The following LPCAT1 variants were observed in gnomAD, a reference collection of about 807,000 sequenced individuals.
The protein encoded by LPCAT1 is 1-acylglycerol-3-phosphate O-acyltransferase.
In LPCAT1, 23 loss-of-function variants were observed where a neutral mutation model predicts 60.9. That is an observed-to-expected ratio of 0.38 (90% CI 0.27 to 0.53). The LOEUF (loss-of-function observed/expected upper bound fraction) is 0.53. LPCAT1 is among the 20% of genes least tolerant of loss of function. LPCAT1 has a pLI of 0.82. For missense variants in LPCAT1, 622 were observed against 723.6 expected (o/e 0.86, Z 1.61); for synonymous variants, 340 against 301.1 (o/e 1.13, Z -1.34).
intron 3 of LPCAT1, among the ~76,000 whole-genome samples, chr5:1,493,073 C>A (rs1055526690): frequency 6.6e-6 from 1 of 152,352 alleles, no homozygotes; most frequent in East Asian, 1.9e-4. Flanking sequence ...GGGAAACCTG[C>A]GTGTGAGAGC....
intron 1 of LPCAT1, among the ~76,000 whole-genome samples, chr5:1,514,857 C>A (rs1189465021): frequency 6.6e-6 from 1 of 152,236 alleles, no homozygotes; most frequent in Non-Finnish European, 1.5e-5. Context: ...GCTTCCCATT[C>A]AGCCCAGGCC....
intron 1 of LPCAT1, among the ~76,000 whole-genome samples, chr5:1,515,501 C>A (rs1736481676): frequency 6.8e-6 from 1 of 147,764 alleles, no homozygotes; most frequent in African/African-American, 2.5e-5. Context: ...CCCCAGCCTG[C>A]CCTGTACACC....
chr5:1,484,720 G>A (rs2927674), intron 5 of LPCAT1, among the ~76,000 whole-genome samples: 8,317 of 152,316 alleles, frequency 0.055, 254 homozygotes, highest in Non-Finnish European at 0.073. Flanking sequence ...CGAGCTGACC[G>A]CCCAACCCAC....
At chr5:1,471,239 A>C (rs923523520) in intron 11 of LPCAT1, among the ~76,000 whole-genome samples, 5 of 152,148 alleles carry the variant, frequency 3.3e-5, no homozygotes, top group African/African-American at 1.2e-4. Context: ...AATACCCCCT[A>C]AGCACCAAGG....
In LPCAT1 at chr5:1,465,159, C is replaced by T. The variant is rs111066563; in HGVS notation, c.1421-1324G>A. On this transcript the variant is annotated intron_variant, in intron 13 of 13. Coordinates refer to ENST00000283415, the MANE Select transcript of LPCAT1 (RefSeq NM_024830.5). The stretch of plus-strand genomic sequence containing the variant: ...AGCGCAGGCACACGCGGTAACTAAA[C>T]ATGCATGCACACACACAAAACAAGC... Among the ~76,000 whole-genome samples, 172 of 148,642 alleles carry T rather than the reference C, an allele frequency of 1.2e-3. 1 individual carries two copies. Among genetic ancestry groups the T allele is most frequent in the African/African-American group, 3.6e-3 (145 of 40,238 alleles).
intron 1 of LPCAT1, among the ~76,000 whole-genome samples, chr5:1,503,282 C>T (rs557166140): frequency 6.6e-4 from 100 of 152,366 alleles, no homozygotes; most frequent in Admixed American, 3.9e-3. Context: ...TGGTGACGAT[C>T]GTCACTGTTC....
rs1267336203 is a variant in LPCAT1 at position 1,462,464 on chromosome 5, G to A, written c.*1187C>T. The A allele has an allele frequency of 6.6e-6, 1 of 152,326 alleles. No homozygotes were observed. The highest frequency in any genetic ancestry group is 1.5e-5 in the Non-Finnish European group (1 of 68,070). 9.4% of individuals were successfully genotyped at this position (152,326 alleles called of 1,614,324 possible). Reference sequence around the variant, plus strand: ...GATGTGCCCGCGACCCTGGCGCTGGGAGGCAGTGCTGCAGAGAGGAGTGGT... The same window carrying A: ...GATGTGCCCGCGACCCTGGCGCTGGAAGGCAGTGCTGCAGAGAGGAGTGGT... On this transcript the variant is annotated 3_prime_UTR_variant, in exon 14 of 14. Transcript: ENST00000283415.
chr5:1,505,364 T>G (rs1736150141), intron 1 of LPCAT1, among the ~76,000 whole-genome samples: 1 of 152,118 alleles, frequency 6.6e-6, no homozygotes, highest in Non-Finnish European at 1.5e-5. Context: ...CAGCACCGAC[T>G]GCAACACTGC....
rs1735221520 is a variant in LPCAT1, at chr5:1,483,043, A to T, written c.726+385T>A. Among the ~76,000 whole-genome samples the T allele has an allele frequency of 1.3e-5, 2 of 152,234 alleles. No homozygotes were observed. Among genetic ancestry groups the T allele is most frequent in the Non-Finnish European group, 2.9e-5 (2 of 68,008 alleles). Reference sequence around the variant, plus strand: ...TTCCTGGAGCATGAACTGGGTACTGAAAGCTGCTGGGGGCCCTGGCCGGTG... The same window carrying T: ...TTCCTGGAGCATGAACTGGGTACTGTAAGCTGCTGGGGGCCCTGGCCGGTG... On this transcript the variant is annotated intron_variant, in intron 6 of 13. Coordinates refer to ENST00000283415, the MANE Select transcript of LPCAT1 (RefSeq NM_024830.5). The surrounding 1 kb of genome is among the most constrained non-coding windows in gnomAD (Gnocchi z 9.2).
At chr5:1,512,407 T>A (rs1736384134) in intron 1 of LPCAT1, among the ~76,000 whole-genome samples, 1 of 152,180 alleles carries the variant, frequency 6.6e-6, no homozygotes, top group Non-Finnish European at 1.5e-5. Context: ...TCCCTCTCAC[T>A]ATCCCTGAAG....
chr5:1,465,048 C>CGCACGCACAAGT (rs1027659442), intron 13 of LPCAT1, among the ~76,000 whole-genome samples: 1 of 141,462 alleles, frequency 7.1e-6, no homozygotes, highest in Non-Finnish European at 1.5e-5. Context: ...AACACACATG[C>CGCACGCACAAGT]GCACGCACAA....
chr5:1,493,368 C>A (rs972575615), intron 3 of LPCAT1, among the ~76,000 whole-genome samples: 3 of 152,278 alleles, frequency 2.0e-5, no homozygotes, highest in African/African-American at 7.2e-5. Flanking sequence ...CTGTGGCCAC[C>A]ACCCTCAGTG....
chr5:1,498,429 G>T (rs1735870835), intron 2 of LPCAT1, among the ~76,000 whole-genome samples: 1 of 152,176 alleles, frequency 6.6e-6, no homozygotes, highest in East Asian at 1.9e-4. Context: ...TTCAATGCCA[G>T]GCAGCACGGG....
intron 9 of LPCAT1, among the ~76,000 whole-genome samples, chr5:1,475,268 T>C (rs1000298881): frequency 6.6e-6 from 1 of 152,144 alleles, no homozygotes; most frequent in African/African-American, 2.4e-5. Context: ...GCATCATCAT[T>C]TGGAACAGGA....
intron 1 of LPCAT1, among the ~76,000 whole-genome samples, chr5:1,511,601 A>G (rs1736359627): frequency 6.6e-6 from 1 of 151,836 alleles, no homozygotes; most frequent in Admixed American, 6.6e-5. Context: ...TCATCTGCTC[A>G]CCTTGCTCAC....
At position 1,502,348 on chromosome 5, in the gene LPCAT1, A is replaced by G. The variant is rs1736048676; in HGVS notation, c.136-745T>C. Among the ~76,000 whole-genome samples, 1 of 152,060 alleles carries G rather than the reference A, an allele frequency of 6.6e-6. No individual in the cohort carries two copies. Among genetic ancestry groups the G allele is most frequent in the Non-Finnish European group, 1.5e-5 (1 of 68,000 alleles). On this transcript the variant is annotated intron_variant, in intron 1 of 13. Transcript: ENST00000283415. This position sits in a 1 kb window ranked among gnomAD's most constrained non-coding sequence, Gnocchi z 5.5. ...ATGTGGACATGAGAAAGCATACGCC[A>G]CCCTAGGCAGTGTTGGTGACAGGGG...
At chr5:1,498,012 C>A (rs749554999) in intron 2 of LPCAT1, among the ~76,000 whole-genome samples, 22 of 152,206 alleles carry the variant, frequency 1.4e-4, no homozygotes, top group Admixed American at 1.2e-3. Flanking sequence ...TAAAATAGTG[C>A]CTTTTGCGAA....
intron 3 of LPCAT1, among the ~76,000 whole-genome samples, chr5:1,493,920 CAT>C (rs1380275374): frequency 6.6e-6 from 1 of 152,232 alleles, no homozygotes; most frequent in Admixed American, 6.5e-5. Flanking sequence ...ATAAGAGACT[CAT>C]AGAGGAGACA....
At position 1,477,260 on chromosome 5, in the gene LPCAT1, G is replaced by A. The variant is rs568656613; in HGVS notation, c.899+144C>T. On this transcript the variant is annotated intron_variant, in intron 9 of 13. Coordinates refer to ENST00000283415, the MANE Select transcript of LPCAT1 (RefSeq NM_024830.5). This position sits in a 1 kb window ranked among gnomAD's most constrained non-coding sequence, Gnocchi z 6.0. ...GGGCGCACAGCACAAGGCCAAGCAC[G>A]CTTCACCAACATGCATGAAGCTGGT... The A allele has an allele frequency of 2.4e-5, 16 of 663,590 alleles. No homozygotes were observed. Among genetic ancestry groups the A allele is most frequent in the Non-Finnish European group, 3.2e-5 (12 of 380,154 alleles). The allele number at this position is 663,590 out of a possible 1,614,324, so 41.1% of individuals were successfully genotyped here.
Sources: allele counts gnomAD v4.1 joint callset (sites outside exome capture counted in the v4.1 genomes callset), GRCh38; gene constraint gnomAD v4.1.1; non-coding constraint Gnocchi (gnomAD v3.1); transcripts MANE v1.5; gene names NCBI Gene and HGNC (gene_info 2026-07-23, HGNC 2026-07-21).